The following C10orf90 variants were observed in gnomAD, a reference collection of about 807,000 sequenced individuals.
C10orf90 encodes (E2-independent) E3 ubiquitin-conjugating enzyme FATS.
Under a neutral mutation model 62.5 loss-of-function variants are expected in C10orf90, and 56 were observed. The observed-to-expected ratio is 0.90, with a 90% confidence interval of 0.72 to 1.12. The LOEUF is 1.12. Ranked by LOEUF, C10orf90 falls within the 50% of genes most tolerant of loss-of-function variation. C10orf90 has a pLI of 0.00. For synonymous variants in C10orf90, 386 were observed against 340.4 expected (o/e 1.13, Z -1.47); for missense variants, 970 against 880.4 (o/e 1.10, Z -1.29).
At chr10:126,462,607 G>A (rs1860059675) in intron 5 of C10orf90, among the ~76,000 whole-genome samples, 1 of 152,122 alleles carries the variant, frequency 6.6e-6, no homozygotes, top group African/African-American at 2.4e-5. Context: ...CTCCGTCGAG[G>A]GCTGGACCAT....
At chr10:126,611,899 C>G (rs1233550546) in intron 2 of C10orf90, among the ~76,000 whole-genome samples, 2 of 152,220 alleles carry the variant, frequency 1.3e-5, no homozygotes, top group African/African-American at 4.8e-5. Context: ...CCCACATGCT[C>G]TAGACCTATC....
chr10:126,585,868 A>C (rs1844860106), intron 2 of C10orf90, among the ~76,000 whole-genome samples: 1 of 152,180 alleles, frequency 6.6e-6, no homozygotes, highest in African/African-American at 2.4e-5. Context: ...CAGGAACTAC[A>C]TAGAAATGCA....
intron 1 of C10orf90, 81 bp downstream of exon 1, chr10:126,670,159 AC>A (rs2133884092): frequency 2.4e-6 from 1 of 415,518 alleles, no homozygotes; most frequent in African/African-American, 2.0e-5. Context: ...CAGATAAAAC[AC>A]CTGAACTGTC....
intron 2 of C10orf90, among the ~76,000 whole-genome samples, chr10:126,644,133 C>G (rs565898663): frequency 6.6e-6 from 1 of 152,210 alleles, no homozygotes; most frequent in Non-Finnish European, 1.5e-5. Flanking sequence ...GGAATGCCCC[C>G]GACCCTTGAT....
chr10:126,470,425 T>C (rs1392363405), intron 4 of C10orf90, among the ~76,000 whole-genome samples: 4 of 152,152 alleles, frequency 2.6e-5, no homozygotes, highest in African/African-American at 7.2e-5. Flanking sequence ...TCAAGTTAAT[T>C]TGTGGCCTTT....
chr10:126,653,566 A>G (rs570973381), intron 1 of C10orf90, among the ~76,000 whole-genome samples: 2 of 152,278 alleles, frequency 1.3e-5, no homozygotes, highest in South Asian at 4.1e-4. Context: ...CTATTTCTAC[A>G]ACATCTTTAG....
At chr10:126,503,472 A>G (rs1018503880) in intron 4 of C10orf90, among the ~76,000 whole-genome samples, 1 of 152,174 alleles carries the variant, frequency 6.6e-6, no homozygotes, top group African/African-American at 2.4e-5. Flanking sequence ...ACACATTCAC[A>G]CTTACACGCT....
intron 2 of C10orf90, among the ~76,000 whole-genome samples, chr10:126,593,237 A>G (rs1411317769): frequency 1.3e-5 from 2 of 152,192 alleles, no homozygotes; most frequent in Non-Finnish European, 2.9e-5. Context: ...ACATGCACAC[A>G]TATGTTCACT....
chr10:126,590,202 G>A (rs1428248459), intron 2 of C10orf90, among the ~76,000 whole-genome samples: 2 of 152,094 alleles, frequency 1.3e-5, no homozygotes, highest in Non-Finnish European at 2.9e-5. Context: ...AGTTCTTACA[G>A]ACCTACAAAG....
intron 2 of C10orf90, among the ~76,000 whole-genome samples, chr10:126,542,538 A>G (rs12250149): frequency 6.6e-6 from 1 of 152,086 alleles, no homozygotes; most frequent in Non-Finnish European, 1.5e-5. Flanking sequence ...ACTTTTTTTA[A>G]AAAAAGGTTT....
intron 1 of C10orf90, among the ~76,000 whole-genome samples, 195 bp downstream of exon 1, chr10:126,670,046 C>G (rs931543758): frequency 6.6e-6 from 1 of 152,120 alleles, no homozygotes; most frequent in Non-Finnish European, 1.5e-5. Flanking sequence ...ATATACTTTC[C>G]CCCTCCCCCA....
rs1353905321 is a variant in C10orf90, at chr10:126,456,812, C to A, written c.2188+2228G>T. ...AGACTGTAGTGCCGCATCTACAAAC[C>A]AAGGAACATCAAGGATTGCAGGAAG... On this transcript the variant is annotated intron_variant, in intron 7 of 9. Transcript: ENST00000488181. This position sits in a 1 kb window ranked among gnomAD's most constrained non-coding sequence, Gnocchi z 4.9. Among the ~76,000 whole-genome samples the A allele has an allele frequency of 6.6e-6, 1 of 152,078 alleles. No homozygotes were observed.
intron 2 of C10orf90, among the ~76,000 whole-genome samples, chr10:126,516,247 A>G (rs142920474): frequency 1.5e-4 from 23 of 152,322 alleles, no homozygotes; most frequent in Middle Eastern, 3.4e-3. Context: ...AGCACTGAGG[A>G]TATCGTATGG....
intron 4 of C10orf90, among the ~76,000 whole-genome samples, chr10:126,490,756 A>T (rs939386386): frequency 8.5e-5 from 13 of 152,072 alleles, no homozygotes; most frequent in Non-Finnish European, 1.8e-4. Flanking sequence ...TATTTTTGAA[A>T]ATCCCCACAG....
At chr10:126,628,549 C>G (rs374563039) in intron 2 of C10orf90, among the ~76,000 whole-genome samples, 1 of 152,132 alleles carries the variant, frequency 6.6e-6, no homozygotes, top group African/African-American at 2.4e-5. Context: ...TCACTGGGAA[C>G]GTTGAATGGA....
At chr10:126,592,886 C>T (rs956238177) in intron 2 of C10orf90, among the ~76,000 whole-genome samples, 2 of 152,110 alleles carry the variant, frequency 1.3e-5, no homozygotes, top group African/African-American at 4.8e-5. Flanking sequence ...AGGATGTGAA[C>T]AGACACTTCT....
intron 2 of C10orf90, among the ~76,000 whole-genome samples, chr10:126,571,030 T>C (rs1787641331): frequency 6.6e-6 from 1 of 152,194 alleles, no homozygotes; most frequent in South Asian, 2.1e-4. Context: ...CACAGCTTTA[T>C]CTACTTCCAT....
intron 2 of C10orf90, among the ~76,000 whole-genome samples, chr10:126,622,496 T>C (rs554479662): frequency 6.6e-6 from 1 of 152,298 alleles, no homozygotes; most frequent in Admixed American, 6.5e-5. Flanking sequence ...CTGGGTTTTA[T>C]CCCTGGAAGG....
At chr10:126,515,457 A>C (rs143608988) in intron 2 of C10orf90, among the ~76,000 whole-genome samples, 6 of 152,300 alleles carry the variant, frequency 3.9e-5, no homozygotes, top group Non-Finnish European at 8.8e-5. Context: ...AGATATGTTT[A>C]GATATACAAA....
Sources: allele counts gnomAD v4.1 joint callset (sites outside exome capture counted in the v4.1 genomes callset), GRCh38; gene constraint gnomAD v4.1.1; non-coding constraint Gnocchi (gnomAD v3.1); transcripts MANE v1.5; gene names NCBI Gene and HGNC (gene_info 2026-07-23, HGNC 2026-07-21).